BABAM2: variants seen among roughly 807,000 people sequenced by gnomAD.
The protein encoded by BABAM2 is BRISC and BRCA1-A complex member 2.
A neutral mutation model predicts 54.7 loss-of-function variants in BABAM2; 31 were observed. The ratio of observed to expected loss-of-function variants is 0.57; its 90% CI spans 0.43 to 0.77. The LOEUF is 0.77. Among genes scored for constraint, BABAM2 ranks in the 30% least tolerant of loss-of-function variants. BABAM2 has a pLI of 0.00. For missense variants in BABAM2, 364 were observed against 455.8 expected (o/e 0.80, Z 1.83); for synonymous variants, 167 against 162.9 (o/e 1.03, Z -0.19).
intron 7 of BABAM2, among the ~76,000 whole-genome samples, chr2:28,207,144 A>G (rs1678929962): frequency 6.6e-6 from 1 of 152,178 alleles, no homozygotes; most frequent in Admixed American, 6.5e-5. Context: ...TTAAGGATGA[A>G]ATATCTTAGA....
At chr2:28,141,655 T>C (rs1231561044) in intron 7 of BABAM2, among the ~76,000 whole-genome samples, 1 of 152,176 alleles carries the variant, frequency 6.6e-6, no homozygotes, top group East Asian at 1.9e-4. Context: ...TTCAGAGCTT[T>C]CCTCTTGTGT....
At chr2:28,032,435 C>T (rs937812) in intron 5 of BABAM2, among the ~76,000 whole-genome samples, 99,389 of 151,904 alleles carry the variant, frequency 0.65, 34,210 homozygotes, top group Middle Eastern at 0.8. Flanking sequence ...TGCAGACACT[C>T]TTCTCCCTGC....
chr2:28,321,997 C>A (rs1360903727), intron 11 of BABAM2, among the ~76,000 whole-genome samples: 1 of 151,454 alleles, frequency 6.6e-6, no homozygotes, highest in Non-Finnish European at 1.5e-5. Context: ...AAAAACAAGT[C>A]CCTGCAATTG....
rs139246346 is a variant in BABAM2 at position 27,974,076 on chromosome 2, A to G, written c.206-13917A>G. On this transcript the variant is annotated intron_variant, in intron 3 of 11. Transcript: ENST00000379624. Reference sequence around the variant, plus strand: ...TAAAAAAAAATCTTTCACAAATGAAATGCCAGACCCAGATTATCTTGGGTG... The same window carrying G: ...TAAAAAAAAATCTTTCACAAATGAAGTGCCAGACCCAGATTATCTTGGGTG... Among the ~76,000 whole-genome samples the G allele has an allele frequency of 2.8e-3, 430 of 152,356 alleles. 2 individuals are homozygous for G. The highest frequency in any genetic ancestry group is 0.01 in the African/African-American group (417 of 41,588).
rs149678600 is a variant in BABAM2, at chr2:28,156,424, A to G, written c.680+27044A>G. Among the ~76,000 whole-genome samples, 1,120 of 152,274 alleles carry G rather than the reference A, an allele frequency of 7.4e-3. 16 individuals are homozygous for G. The highest frequency in any genetic ancestry group is 0.026 in the African/African-American group (1,064 of 41,558). On this transcript the variant is annotated intron_variant, in intron 7 of 11. Transcript: ENST00000379624. ...TTATTTATATATTATTTATATTTCT[A>G]TACCCACTGCTGACTACAAAGCTTG...
intron 2 of BABAM2, among the ~76,000 whole-genome samples, chr2:27,928,099 C>T (rs1339238874): frequency 6.6e-6 from 1 of 152,028 alleles, no homozygotes; most frequent in Non-Finnish European, 1.5e-5. Flanking sequence ...GCAACCTCCG[C>T]CTCCCGTGTT....
At chr2:28,042,999 G>C (rs2148605504) in intron 5 of BABAM2, among the ~76,000 whole-genome samples, 2 of 151,948 alleles carry the variant, frequency 1.3e-5, no homozygotes, top group Middle Eastern at 6.8e-3. Context: ...ACTCCAGCCT[G>C]GGGGACAGAG....
intron 6 of BABAM2, among the ~76,000 whole-genome samples, chr2:28,060,867 T>C (rs1353595494): frequency 6.6e-6 from 1 of 152,218 alleles, no homozygotes; most frequent in East Asian, 1.9e-4. Context: ...GTTCATATGC[T>C]GGAAGACTTA....
chr2:28,038,452 G>A (rs1676823425), intron 5 of BABAM2, among the ~76,000 whole-genome samples: 1 of 152,146 alleles, frequency 6.6e-6, no homozygotes, highest in Non-Finnish European at 1.5e-5. Context: ...GTGATGTTAA[G>A]GTTTTGGTTT....
chr2:28,238,569 C>T (rs2148061320), intron 8 of BABAM2, among the ~76,000 whole-genome samples: 1 of 152,306 alleles, frequency 6.6e-6, no homozygotes, highest in South Asian at 2.1e-4. Flanking sequence ...TAAAATCTAG[C>T]AACTCCACCG....
intron 7 of BABAM2, among the ~76,000 whole-genome samples, chr2:28,173,743 T>A (rs1173619804): frequency 6.6e-6 from 1 of 152,238 alleles, no homozygotes; most frequent in Non-Finnish European, 1.5e-5. Flanking sequence ...TTGTCCTTTC[T>A]GTTTGATTTA....
intron 7 of BABAM2, among the ~76,000 whole-genome samples, chr2:28,167,697 A>AAAATAAAT (rs141764622): frequency 0.01 from 1,490 of 145,318 alleles, 19 homozygotes; most frequent in South Asian, 0.018. Context: ...CCATCTCAAA[A>AAAATAAAT]AAATAAATAA....
chr2:28,122,797 CCCTT>C (rs1669190219), intron 6 of BABAM2, among the ~76,000 whole-genome samples: 1 of 152,094 alleles, frequency 6.6e-6, no homozygotes, highest in African/African-American at 2.4e-5. Context: ...GTTTTCTACA[CCCTT>C]TTGATATTTG....
intron 2 of BABAM2, among the ~76,000 whole-genome samples, chr2:27,918,509 A>G (rs1182314145): frequency 6.6e-6 from 1 of 151,922 alleles, no homozygotes; most frequent in Non-Finnish European, 1.5e-5. Context: ...ATAGTACTAC[A>G]TTTTGTTTAT....
At chr2:28,235,168 C>T (rs934441711) in intron 7 of BABAM2, among the ~76,000 whole-genome samples, 1 of 152,160 alleles carries the variant, frequency 6.6e-6, no homozygotes, top group East Asian at 1.9e-4. Flanking sequence ...TGAGCAAACA[C>T]AAAATTTATT....
intron 2 of BABAM2, among the ~76,000 whole-genome samples, chr2:27,921,633 A>G (rs1667354581): frequency 6.6e-6 from 1 of 152,206 alleles, no homozygotes; most frequent in Non-Finnish European, 1.5e-5. Flanking sequence ...AATTGGGGTA[A>G]TAACAGCACC....
intron 5 of BABAM2, among the ~76,000 whole-genome samples, chr2:28,043,924 T>G (rs190346094): frequency 6.6e-5 from 10 of 152,312 alleles, no homozygotes; most frequent in South Asian, 2.1e-4. Context: ...GCTCTGAGCA[T>G]CCATCCTTTT....
intron 2 of BABAM2, among the ~76,000 whole-genome samples, chr2:27,905,205 A>G (rs768532051): frequency 6.6e-6 from 1 of 152,242 alleles, no homozygotes; most frequent in Non-Finnish European, 1.5e-5. Flanking sequence ...CAGAAGAAAT[A>G]AAATAAAGCA....
At chr2:28,203,935 C>T (rs1286767378) in intron 7 of BABAM2, among the ~76,000 whole-genome samples, 1 of 152,226 alleles carries the variant, frequency 6.6e-6, no homozygotes, top group African/African-American at 2.4e-5. Flanking sequence ...CTTGCCAATG[C>T]TTGTCCTCCT....
Sources: allele counts gnomAD v4.1 joint callset (sites outside exome capture counted in the v4.1 genomes callset), GRCh38; gene constraint gnomAD v4.1.1; transcripts MANE v1.5; gene names NCBI Gene and HGNC (gene_info 2026-07-23, HGNC 2026-07-21).